Variants in ADAM19 observed in about 807,000 individuals in gnomAD.
The protein encoded by ADAM19 is disintegrin and metalloproteinase domain-containing protein 19.
ADAM19 carries 65 observed loss-of-function variants against 114.7 expected under a neutral mutation model. That is an observed-to-expected ratio of 0.57 (90% CI 0.46 to 0.70). ADAM19 has a LOEUF of 0.70. Among genes scored for constraint, ADAM19 ranks in the 30% least tolerant of loss-of-function variants. The pLI is 0.00. For missense variants in ADAM19, 1,063 were observed against 1,204.7 expected, an observed-to-expected ratio of 0.88 and a Z score of 1.74; for synonymous variants, 466 against 460.5, an observed-to-expected ratio of 1.01 and a Z score of -0.15.
At chr5:157,558,120 C>T (rs751460941) in intron 3 of ADAM19, among the ~76,000 whole-genome samples, 127 of 152,344 alleles carry the variant, frequency 8.3e-4, no homozygotes, top group Non-Finnish European at 1.4e-3. Context: ...TCTGGAATGA[C>T]GTGCCTAGCA....
intron 15 of ADAM19, 55 bp downstream of exon 15, chr5:157,494,632 G>C (rs1400740009): frequency 6.1e-6 from 9 of 1,481,066 alleles, no homozygotes; most frequent in Non-Finnish European, 8.5e-6. Context: ...AGTGAGGACA[G>C]AGCAGAAACT....
In ADAM19 at chr5:157,502,892, T is replaced by C; in HGVS notation, c.1219A>G (p.Met407Val). ...CCATACAACATCCTGGTGTCTGGCA[T>C]GTTGGAGAGACACATTCCACCACCT... ...QSGGGMCLSN[M>V]PDTRMLYGGR... is the part of the protein sequence containing the mutation. Residue 407 changes from methionine (M) to valine (V), a missense_variant, in exon 12 of 23, where the codon ATG (methionine) becomes GTG (valine). This residue lies in a region of ADAM19 where 615 missense variants were observed against 706.3 expected (regional missense o/e 0.87). Transcript: ENST00000257527. The C allele has an allele frequency of 6.2e-7, 1 of 1,614,162 alleles. No homozygotes were observed. Among genetic ancestry groups the C allele is most frequent in the Non-Finnish European group, 8.5e-7 (1 of 1,180,006 alleles).
At chr5:157,488,204 C>T in intron 21 of ADAM19, 61 bp downstream of exon 21, 1 of 1,511,082 alleles carries the variant, frequency 6.6e-7, no homozygotes, top group Non-Finnish European at 9.1e-7. Flanking sequence ...TTTGCCATTA[C>T]CCATTGAAAG....
At chr5:157,526,643 T>G (rs895129135) in intron 5 of ADAM19, among the ~76,000 whole-genome samples, 38 of 150,516 alleles carry the variant, frequency 2.5e-4, no homozygotes, top group African/African-American at 9.3e-4. Flanking sequence ...TTTTTTGAGA[T>G]GGGGTCTTGC....
Position 157,513,445 on chromosome 5 carries a change from A to G in ADAM19, c.727T>C (p.Tyr243His). ...TKHKLIEIANYVDKFYRSLNI... is the reference protein window; with the variant it reads ...TKHKLIEIANHVDKFYRSLNI... ...ACACCTGGTCTCACCTTATCAACAT[A>G]GTTGGCGATCTCTATGAGCTTGTGT... Residue 243 changes from tyrosine (Y) to histidine (H), a missense_variant, in exon 8 of 23, where the codon TAT becomes CAT. Transcript: ENST00000257527. 1.9e-6 allele frequency: 3 copies of G among 1,613,860 alleles called. No individual in the cohort carries two copies. Among genetic ancestry groups the G allele is most frequent in the Non-Finnish European group, 2.5e-6 (3 of 1,179,856 alleles).
In ADAM19 at chr5:157,497,063, G is replaced by A. The variant is rs752548628; in HGVS notation, c.1425C>T (p.Arg475=). The A allele has an allele frequency of 2.5e-5, 39 of 1,540,878 alleles. 2 individuals are homozygous for A. The Middle Eastern group carries it at 1.7e-3, about 68-fold the overall frequency. ...CKLLAPGTLC[R]EQARQCDLPE... is the part of the protein sequence containing the mutation. Reference sequence around the variant, plus strand: ...GGAGGTCACACTGCCTGGCCTGCTCGCGGCACAGGGTCCCAGGAGCCAACA... The same window carrying A: ...GGAGGTCACACTGCCTGGCCTGCTCACGGCACAGGGTCCCAGGAGCCAACA... The change falls in exon 14 of 23, where the codon CGC becomes CGT. Residue 475 remains arginine, a synonymous_variant. Transcript: ENST00000257527.
chr5:157,529,946 TA>T (rs1191849669), intron 5 of ADAM19, among the ~76,000 whole-genome samples: 4 of 152,150 alleles, frequency 2.6e-5, no homozygotes, highest in African/African-American at 9.7e-5. Flanking sequence ...CTCTGTTCAT[TA>T]ACCGTCCATT....
chr5:157,508,214 A>T (rs1409289726), intron 9 of ADAM19, among the ~76,000 whole-genome samples: 1 of 152,264 alleles, frequency 6.6e-6, no homozygotes, highest in African/African-American at 2.4e-5. Flanking sequence ...AACTATTTAC[A>T]GCCCAGGTTT....
chr5:157,531,317 C>T (rs1456683475), intron 4 of ADAM19, among the ~76,000 whole-genome samples: 1 of 152,178 alleles, frequency 6.6e-6, no homozygotes, highest in African/African-American at 2.4e-5. Flanking sequence ...TTCATGTCCA[C>T]CTCAGAATGT....
intron 3 of ADAM19, among the ~76,000 whole-genome samples, chr5:157,546,256 G>C (rs41420745): frequency 0.014 from 2,117 of 152,300 alleles, 42 homozygotes; most frequent in African/African-American, 0.048. Context: ...CCAATTTCTA[G>C]TTTCTCCTAA....
At chr5:157,543,238 GCTCA>G (rs1356076345) in intron 3 of ADAM19, among the ~76,000 whole-genome samples, 2 of 152,116 alleles carry the variant, frequency 1.3e-5, no homozygotes, top group Admixed American at 6.6e-5. Context: ...TTCGAGAAGT[GCTCA>G]CTATGTATTT....
chr5:157,497,161 T>C (rs1755391825), intron 13 of ADAM19, 72 bp from the exon 14 acceptor site: 1 of 1,317,808 alleles, frequency 7.6e-7, no homozygotes, highest in Non-Finnish European at 9.9e-7. Context: ...CAAGGGCTCA[T>C]AAGGATCACT....
chr5:157,482,073 T>A (rs1057400468), intron 21 of ADAM19, 130 bp from the exon 22 acceptor site: 17 of 737,784 alleles, frequency 2.3e-5, no homozygotes, highest in Non-Finnish European at 3.5e-5. Flanking sequence ...AGAAAGAAAC[T>A]GTATGTATAA....
chr5:157,554,757 T>A (rs911263746), intron 3 of ADAM19, among the ~76,000 whole-genome samples: 1 of 152,208 alleles, frequency 6.6e-6, no homozygotes, highest in Non-Finnish European at 1.5e-5. Context: ...ACCCTGTAAA[T>A]CCTTTAAGAG....
intron 9 of ADAM19, among the ~76,000 whole-genome samples, chr5:157,508,416 T>C (rs927201690): frequency 1.1e-4 from 17 of 152,138 alleles, no homozygotes; most frequent in Admixed American, 1.0e-3. Context: ...CAAGACCAGC[T>C]TGGCCAACAT....
intron 3 of ADAM19, among the ~76,000 whole-genome samples, chr5:157,562,320 G>C (rs991903954): frequency 1.3e-5 from 2 of 152,128 alleles, no homozygotes; most frequent in Non-Finnish European, 1.5e-5. Flanking sequence ...ATTCAAGGAG[G>C]CCAGGAACCA....
At chr5:157,527,170 A>G (rs1025320586) in intron 5 of ADAM19, among the ~76,000 whole-genome samples, 1 of 152,132 alleles carries the variant, frequency 6.6e-6, no homozygotes, top group Non-Finnish European at 1.5e-5. Context: ...TCTTCACAAG[A>G]TGGCAGGAGA....
intron 16 of ADAM19, among the ~76,000 whole-genome samples, chr5:157,492,278 C>T (rs1196779514): frequency 6.6e-6 from 1 of 152,008 alleles, no homozygotes; most frequent in Non-Finnish European, 1.5e-5. Flanking sequence ...GGTGACAGAG[C>T]AAGACTCCAT....
intron 3 of ADAM19, among the ~76,000 whole-genome samples, chr5:157,562,437 A>C (rs1233812521): frequency 1.3e-5 from 2 of 152,200 alleles, no homozygotes; most frequent in Non-Finnish European, 2.9e-5. Context: ...TGGGACAATA[A>C]AAATCCCAAC....
Sources: gnomAD v4.1 joint callset for allele counts (sites outside exome capture counted in the v4.1 genomes callset) on GRCh38, gnomAD v4.1.1 for gene constraint, gnomAD v4.1.1 regional missense constraint, MANE v1.5 for transcripts, NCBI Gene and HGNC (gene_info 2026-07-23, HGNC 2026-07-21) for gene names.